The following SLC7A4 variants were observed in gnomAD, a reference collection of about 807,000 sequenced individuals.
SLC7A4 encodes cationic amino acid transporter 4.
SLC7A4 carries 30 observed loss-of-function variants against 37.8 expected under a neutral mutation model. The ratio of observed to expected loss-of-function variants is 0.79; its 90% CI spans 0.59 to 1.08. SLC7A4 has a LOEUF of 1.08. Ranked by LOEUF, SLC7A4 falls within the 50% of genes least tolerant of loss-of-function variation. SLC7A4 has a pLI of 0.00. For synonymous variants in SLC7A4, 359 were observed against 376.5 expected (o/e 0.95, Z 0.54); for missense variants, 839 against 843.2 (o/e 1.00, Z 0.06).
Position 21,031,127 on chromosome 22 carries a change from A to C in SLC7A4, c.686T>G (p.Phe229Cys), listed in dbSNP as rs773299091. ...PHNWSADEGG[F>C]APFGFSGVMA... ...GACGCCGGAGAAGCCGAAGGGTGCA[A>C]AGCCGCCTTCGTCAGCGCTCCAGTT... The change falls in exon 2 of 5, where the codon TTT (phenylalanine) becomes TGT (cysteine). Residue 229 changes from phenylalanine to cysteine, a missense_variant. Coordinates refer to ENST00000382932, the MANE Select transcript of SLC7A4 (RefSeq NM_004173.3). 1 of 1,613,798 alleles carries C rather than the reference A, an allele frequency of 6.2e-7. No homozygotes were observed. The highest frequency in any genetic ancestry group is 8.5e-7 in the Non-Finnish European group (1 of 1,179,854).
chr22:21,029,659 G>T, intron 3 of SLC7A4, 52 bp downstream of exon 3: 1 of 1,558,480 alleles, frequency 6.4e-7, no homozygotes, highest in South Asian at 1.2e-5. Context: ...GTGGGGGAAG[G>T]GGAGGCAGCT....
rs1383690643 is a variant in SLC7A4 at position 21,031,668 on chromosome 22, C to CA, written c.144dup (p.Gly49TrpfsTer106). 1 of 1,613,396 alleles carries CA rather than the reference C, an allele frequency of 6.2e-7. No homozygotes were observed. Among genetic ancestry groups the CA allele is most frequent in the Non-Finnish European group, 8.5e-7 (1 of 1,179,718 alleles). On this transcript the variant is annotated frameshift_variant, in exon 2 of 5. Transcript: ENST00000382932. LOFTEE classifies it high-confidence loss of function. ...ACGTAGAGACCCGAGCCCACCATGC[C>CA]ACCCACGCCCAGAAGAGTCAGGTCC...
chr22:21,030,807 C>T, intron 2 of SLC7A4, 24 bp downstream of exon 2: 1 of 1,537,686 alleles, frequency 6.5e-7, no homozygotes, highest in African/African-American at 1.4e-5. Context: ...TTCCCTGCCA[C>T]CCTGCCCAGG....
At chr22:21,029,576 C>T in intron 3 of SLC7A4, 132 bp from the exon 4 acceptor site, 1 of 1,147,296 alleles carries the variant, frequency 8.7e-7, no homozygotes, top group Non-Finnish European at 1.3e-6. Flanking sequence ...GCTCACTCAC[C>T]ATGCAGAAAG....
Position 21,029,843 on chromosome 22 carries a change from G to A in SLC7A4, c.1491C>T (p.Val497=). The change falls in exon 3 of 5, where the codon GTC becomes GTT. Residue 497 remains valine (V), a synonymous_variant. Transcript: ENST00000382932. ...ASAITIGCVL[V]FGNSTLHLPH... The stretch of plus-strand genomic sequence containing the variant: ...GGAGGTGCAGGGTCGAGTTCCCAAA[G>A]ACAAGCACGCAGCCTATGGTGATGG... 6.2e-7 allele frequency: 1 copy of A among 1,613,800 alleles called. No homozygotes were observed. The highest frequency in any genetic ancestry group is 8.5e-7 in the Non-Finnish European group (1 of 1,179,998).
At chr22:21,029,682 T>C (rs749243848) in intron 3 of SLC7A4, 29 bp downstream of exon 3, 40 of 1,588,958 alleles carry the variant, frequency 2.5e-5, no homozygotes, top group Non-Finnish European at 3.3e-5. Context: ...CTGGGCCGAG[T>C]GTGAGTGGGT....
At chr22:21,031,939 C>CT in intron 1 of SLC7A4, 87 bp from the exon 2 acceptor site, 2 of 922,820 alleles carry the variant, frequency 2.2e-6, no homozygotes, top group Non-Finnish European at 2.9e-6. Context: ...CCCCAGTCCT[C>CT]TCTCTGTCCC....
chr22:21,029,424 A>G lies in SLC7A4; in HGVS notation c.1644T>C (p.Ile548=). 1 of 1,613,142 alleles carries G rather than the reference A, an allele frequency of 6.2e-7. No individual in the cohort carries two copies. The highest frequency in any genetic ancestry group is 8.5e-7 in the Non-Finnish European group (1 of 1,179,674). ...TGTTGAGGACGATGCTCAGGGCTGG[A>G]ATCAGGGGAACCATGGGGATCTGAG... is the stretch of plus-strand genomic sequence containing the variant. ...DLFQIPMVPL[I]PALSIVLNIC... is the part of the protein sequence containing the mutation. The change falls in exon 4 of 5, where the codon ATT becomes ATC. Residue 548 remains isoleucine (I), a synonymous_variant. Transcript: ENST00000382932.
At position 21,030,050 on chromosome 22, in the gene SLC7A4, A is replaced by G. The variant is rs1248098527; in HGVS notation, c.1284T>C (p.Pro428=). 1.9e-6 allele frequency: 3 copies of G among 1,611,110 alleles called. No individual in the cohort carries two copies. Among genetic ancestry groups the G allele is most frequent in the Non-Finnish European group, 2.5e-6 (3 of 1,179,436 alleles). Residue 428 remains proline (P), a synonymous_variant, in exon 3 of 5, where the codon CCT becomes CCC. Transcript: ENST00000382932. ...SPPSSPGPAS[P]GPLTKQQSSF... Reference sequence around the variant, plus strand: ...AGCTCTGCTGCTTGGTCAGGGGGCCAGGGCTGGCTGGGCCTGGGGAGCTGG... The same window carrying G: ...AGCTCTGCTGCTTGGTCAGGGGGCCGGGGCTGGCTGGGCCTGGGGAGCTGG...
intron 1 of SLC7A4, among the ~76,000 whole-genome samples, chr22:21,032,215 CCA>C (rs1199153181): frequency 6.6e-6 from 1 of 152,180 alleles, no homozygotes; most frequent in South Asian, 2.1e-4. Flanking sequence ...CGAGGCTTCC[CCA>C]GAGTCGAGCC....
rs9613553 is a variant in SLC7A4, at chr22:21,031,542, C to T, written c.271G>A (p.Glu91Lys). The T allele has an allele frequency of 5.6e-6, 9 of 1,610,702 alleles. No homozygotes were observed. Among genetic ancestry groups the T allele is most frequent in the Non-Finnish European group, 7.6e-6 (9 of 1,179,216 alleles). ...ASLLAALCYA[E>K]FGARVPRTGS... ...GTGCGTGGCACACGTGCCCCAAATT[C>T]TGCATAGCATAGGGCTGCCAGCAGG... The change falls in exon 2 of 5, where the codon GAA (glutamate) becomes AAA (lysine). Residue 91 changes from glutamate to lysine, a missense_variant. Glu to Lys is a moderately conservative substitution (Grantham distance 56). Coordinates refer to ENST00000382932, the MANE Select transcript of SLC7A4 (RefSeq NM_004173.3).
At position 21,029,071 on chromosome 22, in the gene SLC7A4, G is replaced by T; in HGVS notation, c.1892C>A (p.Pro631His). The change falls in exon 5 of 5, where the codon CCT becomes CAT. Residue 631 changes from proline to histidine, a missense_variant. Coordinates refer to ENST00000382932, the MANE Select transcript of SLC7A4 (RefSeq NM_004173.3). ...QPPSQAPAQD[P>H]GHME ...GCTGATCAGCTACTCCATATGGCCA[G>T]GGTCCTGTGCTGGTGCCTGGCTGGG... is the stretch of plus-strand genomic sequence containing the variant. The T allele has an allele frequency of 6.2e-7, 1 of 1,609,918 alleles. No homozygotes were observed. Among genetic ancestry groups the T allele is most frequent in the Non-Finnish European group, 8.5e-7 (1 of 1,179,090 alleles).
In SLC7A4 at chr22:21,029,601, T is replaced by G. The variant is rs1310930895; in HGVS notation, c.1623+110A>C. On this transcript the variant is annotated intron_variant, in intron 3 of 4. Coordinates refer to ENST00000382932, the MANE Select transcript of SLC7A4 (RefSeq NM_004173.3). ...CATGCAGAAAGGGGTGCGGGATGGG[T>G]GTGTGGTCCTCCCCAGCCCCGTGAG... 3.3e-6 allele frequency: 4 copies of G among 1,226,776 alleles called. No individual in the cohort carries two copies. In the East Asian group the frequency reaches 7.0e-5, roughly 22 times the overall value. The allele number at this position is 1,226,776 out of a possible 1,614,324, so 76.0% of individuals were successfully genotyped here. A position where few individuals can be genotyped will look rare whatever the true frequency, so the allele number is the denominator to read the frequency against.
In SLC7A4 at chr22:21,031,095, C is replaced by G. The variant is rs553931170; in HGVS notation, c.718G>C (p.Gly240Arg). 3.7e-6 allele frequency: 6 copies of G among 1,613,890 alleles called. No homozygotes were observed. The African/African-American group carries it at 8.0e-5, about 22-fold the overall frequency. The change falls in exon 2 of 5, where the codon GGC (glycine) becomes CGC (arginine). Residue 240 changes from glycine to arginine, a missense_variant. Gly to Arg is a moderately radical substitution (Grantham distance 125, BLOSUM62 -2). Transcript: ENST00000382932. ...APFGFSGVMA[G>R]TASCFYAFVG... is the part of the protein sequence containing the mutation. Reference sequence around the variant, plus strand: ...AAAGCATAGAAGCAGGAGGCAGTGCCGGCCATGACGCCGGAGAAGCCGAAG... The same window carrying G: ...AAAGCATAGAAGCAGGAGGCAGTGCGGGCCATGACGCCGGAGAAGCCGAAG...
chr22:21,029,519 G>T, intron 3 of SLC7A4, 75 bp from the exon 4 acceptor site: 1 of 1,293,364 alleles, frequency 7.7e-7, no homozygotes, highest in Non-Finnish European at 1.1e-6. Flanking sequence ...CACTTTCTCG[G>T]GAATCCATAG....
intron 3 of SLC7A4, 53 bp downstream of exon 3, chr22:21,029,658 G>T: frequency 6.4e-7 from 1 of 1,557,542 alleles, no homozygotes; most frequent in Non-Finnish European, 8.7e-7. Context: ...AGTGGGGGAA[G>T]GGGAGGCAGC....
rs756295952 is a variant in SLC7A4, at chr22:21,031,423, G to A, written c.390C>T (p.Gly130=). The A allele has an allele frequency of 4.4e-5, 70 of 1,601,242 alleles. No homozygotes were observed. The highest frequency in any genetic ancestry group is 5.5e-5 in the Non-Finnish European group (65 of 1,174,392). The part of the protein sequence containing the change: ...WNVLLEYIIG[G]AAVARAWSGY... Reference sequence around the variant, plus strand: ...CACTCCAGGCACGGGCCACGGCGGCGCCACCGATGATGTATTCGAGGAGAA... The same window carrying A: ...CACTCCAGGCACGGGCCACGGCGGCACCACCGATGATGTATTCGAGGAGAA... Residue 130 remains glycine (G), a synonymous_variant, in exon 2 of 5, where the codon GGC becomes GGT. Transcript: ENST00000382932.
In SLC7A4 at chr22:21,030,836, A is replaced by T. The variant is rs1461708358; in HGVS notation, c.977T>A (p.Ile326Asn). The T allele has an allele frequency of 1.3e-6, 2 of 1,581,204 alleles. No individual in the cohort carries two copies. The highest frequency in any genetic ancestry group is 4.5e-5 in the East Asian group (2 of 44,596). ...WAGFIVAAGS[I>N]CAMNTVLLSL... ...GCCCAGGAAGAGTCTCTCACCGCAG[A>T]TGGAGCCAGCTGCCACGATGAAGCC... Residue 326 changes from isoleucine to asparagine, a missense_variant, in exon 2 of 5, where the codon ATC becomes AAC. Physicochemically the swap from Ile to Asn is moderately radical, Grantham distance 149 (BLOSUM62 -3). Coordinates refer to ENST00000382932, the MANE Select transcript of SLC7A4 (RefSeq NM_004173.3).
In SLC7A4 at chr22:21,031,308, G is replaced by A. The variant is rs375967167; in HGVS notation, c.505C>T (p.Pro169Ser). The change falls in exon 2 of 5, where the codon CCG becomes TCG. Residue 169 changes from proline (P) to serine (S), a missense_variant. Coordinates refer to ENST00000382932, the MANE Select transcript of SLC7A4 (RefSeq NM_004173.3). ...ATGATGCCAGCAGCCAGGAAGTCCG[G>A]GTAGTGGCCCAGGAGGGGCACCTGC... The part of the protein sequence containing the change: ...SWQVPLLGHY[P>S]DFLAAGIILL... 6.8e-6 allele frequency: 11 copies of A among 1,609,824 alleles called. No homozygotes were observed. The East Asian group carries it at 1.1e-4, about 16-fold the overall frequency.
Sources: allele counts gnomAD v4.1 joint callset (sites outside exome capture counted in the v4.1 genomes callset), GRCh38; gene constraint gnomAD v4.1.1; transcripts MANE v1.5; gene names NCBI Gene and HGNC (gene_info 2026-07-23, HGNC 2026-07-21).